Variants in GFRA3 observed in about 807,000 individuals in gnomAD.
The protein encoded by GFRA3 is GDNF family receptor alpha 3.
A neutral mutation model predicts 40.0 loss-of-function variants in GFRA3; 24 were observed. The observed-to-expected ratio is 0.60, with a 90% CI of 0.43 to 0.84. The LOEUF is 0.84. Among genes scored for constraint, GFRA3 ranks in the 40% least tolerant of loss-of-function variants. GFRA3 has a pLI of 0.00. For synonymous variants in GFRA3, 203 were observed against 213.5 expected, an observed-to-expected ratio of 0.95 and a Z score of 0.43; for missense variants, 405 against 530.6, an observed-to-expected ratio of 0.76 and a Z score of 2.33.
intron 1 of GFRA3, among the ~76,000 whole-genome samples, chr5:138,269,472 G>A (rs1480057762): frequency 1.3e-5 from 2 of 151,294 alleles, no homozygotes; most frequent in Non-Finnish European, 2.9e-5. Context: ...GGAGGCGGAG[G>A]TTTCAGTGAG....
At chr5:138,265,686 C>A (rs987249854) in intron 1 of GFRA3, among the ~76,000 whole-genome samples, 18 of 149,382 alleles carry the variant, frequency 1.2e-4, no homozygotes, top group African/African-American at 4.6e-4. Flanking sequence ...TTCTCTTCTC[C>A]TTCTCCTTCT....
chr5:138,256,572 A>AAAAACCTAAAT (rs1755634110), intron 4 of GFRA3, among the ~76,000 whole-genome samples: 1 of 151,970 alleles, frequency 6.6e-6, no homozygotes, highest in Admixed American at 6.6e-5. Context: ...AAAACAAAAC[A>AAAAACCTAAAT]AAAACCTAAA....
chr5:138,262,111 G>C (rs1258742819), intron 2 of GFRA3, among the ~76,000 whole-genome samples: 1 of 152,230 alleles, frequency 6.6e-6, no homozygotes, highest in African/African-American at 2.4e-5. Context: ...AGAGCTACCA[G>C]TGTAGATTAA....
At chr5:138,253,397 C>T (rs201957171) in intron 6 of GFRA3, 22 bp from the exon 7 acceptor site, 180 of 1,456,666 alleles carry the variant, frequency 1.2e-4, no homozygotes, top group Middle Eastern at 8.7e-4. Context: ...AGAGAAGGCT[C>T]ATTGGAAGGG....
At chr5:138,266,519 A>G (rs974960305) in intron 1 of GFRA3, among the ~76,000 whole-genome samples, 2 of 152,202 alleles carry the variant, frequency 1.3e-5, no homozygotes, top group Non-Finnish European at 2.9e-5. Flanking sequence ...AAAGTACATG[A>G]ATCAAAAATG....
chr5:138,271,907 T>TGTGTGTGTGTGTGTG (rs61112096), intron 1 of GFRA3, among the ~76,000 whole-genome samples: 39 of 98,610 alleles, frequency 4.0e-4, no homozygotes, highest in South Asian at 8.9e-4. Flanking sequence ...TTTTTTTTTT[T>TGTGTGTGTGTGTGTG]TTTTTTTGTG....
Position 138,274,616 on chromosome 5 carries a change from T to C in GFRA3, c.-192A>G. The C allele has an allele frequency of 8.3e-7, 1 of 1,201,066 alleles. No homozygotes were observed. The highest frequency in any genetic ancestry group is 1.0e-6 in the Non-Finnish European group (1 of 969,942). 74.4% of individuals were successfully genotyped at this position (1,201,066 alleles called of 1,614,324 possible). On this transcript the variant is annotated 5_prime_UTR_variant, in exon 1 of 8. Coordinates refer to ENST00000274721, the MANE Select transcript of GFRA3 (RefSeq NM_001496.4). Reference sequence around the variant, plus strand: ...CGTCCACACCACGCGCCTCCAGCGCTGGTCCGAGGGACCGCGGGGGTGGGG... The same window carrying C: ...CGTCCACACCACGCGCCTCCAGCGCCGGTCCGAGGGACCGCGGGGGTGGGG...
At chr5:138,273,486 T>TA (rs1474403777) in intron 1 of GFRA3, among the ~76,000 whole-genome samples, 1 of 152,226 alleles carries the variant, frequency 6.6e-6, no homozygotes, top group Non-Finnish European at 1.5e-5. Flanking sequence ...TGCCCTGACT[T>TA]ACTGATGTTG....
At chr5:138,272,253 G>A (rs934185380) in intron 1 of GFRA3, among the ~76,000 whole-genome samples, 12 of 150,962 alleles carry the variant, frequency 7.9e-5, no homozygotes, top group East Asian at 5.9e-4. Flanking sequence ...TGATCTACCC[G>A]TCTCAGCCTC....
chr5:138,253,740 G>C, intron 6 of GFRA3, 26 bp downstream of exon 6: 1 of 1,607,592 alleles, frequency 6.2e-7, no homozygotes. Context: ...AGCCCCAGGG[G>C]CTGGGAGCAA....
At chr5:138,270,205 C>CAAAAAAAAAAA (rs34014240) in intron 1 of GFRA3, among the ~76,000 whole-genome samples, 76 of 71,320 alleles carry the variant, frequency 1.1e-3, no homozygotes, top group Non-Finnish European at 1.2e-3. Context: ...ACTAAAAATA[C>CAAAAAAAAAAA]AAAAAAAAAA....
At chr5:138,261,887 G>A (rs2126615517) in intron 2 of GFRA3, among the ~76,000 whole-genome samples, 1 of 152,124 alleles carries the variant, frequency 6.6e-6, no homozygotes, top group Admixed American at 6.5e-5. Context: ...CGATTAAGAT[G>A]GTACCCAATA....
In GFRA3 at chr5:138,264,543, G is replaced by T; in HGVS notation, c.97C>A (p.Pro33Thr). 2 of 1,600,264 alleles carry T rather than the reference G, an allele frequency of 1.2e-6. No individual in the cohort carries two copies. The highest frequency in any genetic ancestry group is 8.5e-7 in the Non-Finnish European group (1 of 1,171,810). ...ATGAGTCGGCTTTCTGTGGGAAGGG[G>T]GTCTCCTGTAAAGGGAGATACCAGG... ...PSPLPLAAGDPLPTESRLMNS... is the reference protein window; with the variant it reads ...PSPLPLAAGDTLPTESRLMNS... The change falls in exon 2 of 8, where the codon CCC becomes ACC. Residue 33 changes from proline (P) to threonine (T), a missense_variant. Pro to Thr is a conservative substitution (Grantham distance 38). Transcript: ENST00000274721.
chr5:138,254,186 T>A, intron 4 of GFRA3, 26 bp from the exon 5 acceptor site: 1 of 1,311,128 alleles, frequency 7.6e-7, no homozygotes, highest in Non-Finnish European at 1.1e-6. Context: ...TTTCTGTCTT[T>A]CTTTTTTTTT....
chr5:138,253,419 G>T, intron 6 of GFRA3, 44 bp from the exon 7 acceptor site: 1 of 1,244,470 alleles, frequency 8.0e-7, no homozygotes, highest in East Asian at 2.4e-5. Flanking sequence ...ATGGGGGCAG[G>T]AGATTTCTCA....
rs1755925296 is a variant in GFRA3 at position 138,274,617 on chromosome 5, G to A, written c.-193C>T. ...GTCCACACCACGCGCCTCCAGCGCTGGTCCGAGGGACCGCGGGGGTGGGGG... is the reference window on the plus strand; with the variant it reads ...GTCCACACCACGCGCCTCCAGCGCTAGTCCGAGGGACCGCGGGGGTGGGGG... On this transcript the variant is annotated 5_prime_UTR_variant, in exon 1 of 8. Coordinates refer to ENST00000274721, the MANE Select transcript of GFRA3 (RefSeq NM_001496.4). 1 of 1,221,238 alleles carries A rather than the reference G, an allele frequency of 8.2e-7. No individual in the cohort carries two copies. Among genetic ancestry groups the A allele is most frequent in the African/African-American group, 1.6e-5 (1 of 64,004 alleles). The allele number at this position is 1,221,238 out of a possible 1,614,324, so 75.7% of individuals were successfully genotyped here.
chr5:138,273,657 G>A (rs1015514638), intron 1 of GFRA3, among the ~76,000 whole-genome samples: 2 of 152,142 alleles, frequency 1.3e-5, no homozygotes, highest in African/African-American at 2.4e-5. Context: ...CGCATAATAA[G>A]ATTCCACACA....
intron 1 of GFRA3, among the ~76,000 whole-genome samples, chr5:138,268,930 A>AC (rs1377390370): frequency 6.6e-6 from 1 of 151,556 alleles, no homozygotes; most frequent in East Asian, 1.9e-4. Flanking sequence ...ATCTCAAAAA[A>AC]AAAAAAAAAG....
intron 3 of GFRA3, among the ~76,000 whole-genome samples, chr5:138,259,069 A>C (rs921878616): frequency 2.0e-5 from 3 of 152,306 alleles, no homozygotes; most frequent in African/African-American, 7.2e-5. Flanking sequence ...CATGCAACAC[A>C]GTCCTTGCCA....
Sources: gnomAD v4.1 joint callset for allele counts (sites outside exome capture counted in the v4.1 genomes callset) on GRCh38, gnomAD v4.1.1 for gene constraint, MANE v1.5 for transcripts, NCBI Gene and HGNC (gene_info 2026-07-23, HGNC 2026-07-21) for gene names.